The following LMLN variants were observed in gnomAD, a reference collection of about 807,000 sequenced individuals.
LMLN encodes leishmanolysin-like peptidase.
In LMLN, 70 loss-of-function variants were observed where a neutral mutation model predicts 92.3. The ratio of observed to expected loss-of-function variants is 0.76; its 90% CI spans 0.63 to 0.92. The LOEUF (loss-of-function observed/expected upper bound fraction) is 0.92, where lower values mean the gene tolerates loss of function less well. LMLN is among the 40% of genes least tolerant of loss of function. LMLN has a pLI of 0.00. For missense variants in LMLN, 691 were observed against 814.6 expected (o/e 0.85, Z 1.85); for synonymous variants, 308 against 296.2 (o/e 1.04, Z -0.41).
chr3:197,960,723 A>AT (rs1720843295), intron 1 of LMLN, among the ~76,000 whole-genome samples: 1 of 152,162 alleles, frequency 6.6e-6, no homozygotes, highest in Admixed American at 6.5e-5. Flanking sequence ...CCCGACGCAC[A>AT]TGGTACAACA....
chr3:197,966,602 A>G (rs1005724976), intron 1 of LMLN, among the ~76,000 whole-genome samples: 6 of 151,060 alleles, frequency 4.0e-5, no homozygotes, highest in Middle Eastern at 3.2e-3. Flanking sequence ...TCTTTCCTGC[A>G]CCAGTTGATA....
chr3:197,983,085 A>T (rs1167979931), intron 6 of LMLN, among the ~76,000 whole-genome samples: 2 of 152,238 alleles, frequency 1.3e-5, no homozygotes, highest in Admixed American at 1.3e-4. Flanking sequence ...TAAATAAAAG[A>T]ATTGTATTCA....
intron 13 of LMLN, among the ~76,000 whole-genome samples, chr3:198,024,457 T>C (rs142086980): frequency 0.013 from 1,942 of 152,300 alleles, 34 homozygotes; most frequent in African/African-American, 0.045. Flanking sequence ...CCTCGTGATC[T>C]GCCCACCTCA....
chr3:198,001,849 C>T lies in LMLN; in HGVS notation c.1232+2507C>T, dbSNP rs77308251. On this transcript the variant is annotated intron_variant, in intron 11 of 15. Coordinates refer to ENST00000330198, the Ensembl canonical transcript of LMLN. ...ATTTTTTATTATAGAGATGGGGTTT[C>T]GCCACGTTGCCCAGGCTGGTCTCAA... Among the ~76,000 whole-genome samples, 75 of 152,112 alleles carry T rather than the reference C, an allele frequency of 4.9e-4. 1 individual carries two copies. The East Asian group carries it at 0.012, about 24-fold the overall frequency.
rs1341022076 is a variant in LMLN, at chr3:198,042,664, T to C, written c.*3997T>C. The stretch of plus-strand genomic sequence containing the variant: ...CAGTAGACTGGAGTCACTTTCTGAC[T>C]CAAAAAGGGTCAAGTACTTATTAAA... On this transcript the variant is annotated 3_prime_UTR_variant, in exon 16 of 16. Coordinates refer to ENST00000330198, the Ensembl canonical transcript of LMLN. This position sits in a 1 kb window ranked among gnomAD's most constrained non-coding sequence, Gnocchi z 4.2. 1 of 152,138 alleles carries C rather than the reference T, an allele frequency of 6.6e-6. No homozygotes were observed. Among genetic ancestry groups the C allele is most frequent in the Non-Finnish European group, 1.5e-5 (1 of 68,022 alleles). 9.4% of individuals were successfully genotyped at this position (152,138 alleles called of 1,614,324 possible). A position where few individuals can be genotyped will look rare whatever the true frequency, so the allele number is the denominator to read the frequency against.
intron 1 of LMLN, among the ~76,000 whole-genome samples, chr3:197,969,118 G>A (rs1215033779): frequency 6.6e-6 from 1 of 150,818 alleles, no homozygotes; most frequent in African/African-American, 2.4e-5. Flanking sequence ...GTCTCACTCT[G>A]TTGCCTAGTT....
Position 198,042,544 on chromosome 3 carries a change from C to A in LMLN, c.*3877C>A, listed in dbSNP as rs910380305. On this transcript the variant is annotated 3_prime_UTR_variant, in exon 16 of 16. Coordinates refer to ENST00000330198, the Ensembl canonical transcript of LMLN. This position sits in a 1 kb window ranked among gnomAD's most constrained non-coding sequence, Gnocchi z 4.2. ...ACCCTTCATGTTAGCAAAGACGAAG[C>A]CACGTCGCTGTGTTAAGAGGGACAG... The A allele has an allele frequency of 2.6e-5, 4 of 152,132 alleles. No individual in the cohort carries two copies. Among genetic ancestry groups the A allele is most frequent in the African/African-American group, 9.7e-5 (4 of 41,418 alleles). The allele number at this position is 152,132 out of a possible 1,614,324, so 9.4% of individuals were successfully genotyped here.
At chr3:197,986,476 T>C (rs61791877) in intron 8 of LMLN, among the ~76,000 whole-genome samples, 23,867 of 152,098 alleles carry the variant, frequency 0.16, 2,460 homozygotes, top group Middle Eastern at 0.24. Context: ...AGAGAAGCCT[T>C]CCAGTAAAAA....
chr3:197,974,557 G>A, intron 2 of LMLN, 83 bp downstream of exon 2: 1 of 694,460 alleles, frequency 1.4e-6, no homozygotes, highest in East Asian at 3.2e-5. Flanking sequence ...GAAGTTCTAA[G>A]AATCCATAGA....
intron 14 of LMLN, among the ~76,000 whole-genome samples, chr3:198,028,181 G>T (rs1318576478): frequency 3.3e-5 from 5 of 152,040 alleles, no homozygotes; most frequent in African/African-American, 9.7e-5. Context: ...GTTCACATTA[G>T]GGTTCACTCT....
intron 1 of LMLN, 116 bp from the exon 2 acceptor site, chr3:197,974,261 A>G (rs1173205513): frequency 1.6e-6 from 1 of 633,284 alleles, no homozygotes; most frequent in African/African-American, 1.9e-5. Context: ...AATATGGGTC[A>G]CAGAACTTTT....
chr3:198,028,051 A>G (rs1393486975), intron 14 of LMLN, among the ~76,000 whole-genome samples: 1 of 152,142 alleles, frequency 6.6e-6, no homozygotes, highest in Non-Finnish European at 1.5e-5. Context: ...AGTGGAAGGT[A>G]CAGAGAGTTC....
chr3:197,960,674 C>T (rs1019918101), intron 1 of LMLN, among the ~76,000 whole-genome samples: 5 of 152,084 alleles, frequency 3.3e-5, no homozygotes, highest in African/African-American at 1.2e-4. Context: ...CAGTAGCCCT[C>T]GAGGAGTGGT....
intron 13 of LMLN, 21 bp downstream of exon 14, chr3:198,021,626 A>T (rs1722786700): frequency 6.2e-7 from 1 of 1,603,508 alleles, no homozygotes; most frequent in Non-Finnish European, 8.5e-7. Flanking sequence ...TAGTGAAATG[A>T]AGTATTATAT....
At chr3:198,016,936 G>A (rs991880352) in intron 11 of LMLN, among the ~76,000 whole-genome samples, 6 of 152,056 alleles carry the variant, frequency 3.9e-5, no homozygotes, top group African/African-American at 1.4e-4. Flanking sequence ...AAATGGGCAT[G>A]GCCATGTTCC....
chr3:198,020,580 T>TA (rs1379263137), intron 12 of LMLN, among the ~76,000 whole-genome samples: 1 of 151,952 alleles, frequency 6.6e-6, no homozygotes, highest in African/African-American at 2.4e-5. Flanking sequence ...TGAAAACACA[T>TA]ACAATTATTT....
chr3:198,033,364 TTTTC>T (rs1723126430), intron 14 of LMLN, among the ~76,000 whole-genome samples: 1 of 151,986 alleles, frequency 6.6e-6, no homozygotes, highest in South Asian at 2.1e-4. Context: ...ATTTTTTGCT[TTTTC>T]TTCTAATTTC....
At chr3:197,973,349 C>T (rs905577255) in intron 1 of LMLN, among the ~76,000 whole-genome samples, 2 of 151,718 alleles carry the variant, frequency 1.3e-5, no homozygotes, top group Admixed American at 6.6e-5. Flanking sequence ...TCTAGCAATT[C>T]TCCTGCCTCA....
At chr3:197,978,152 G>A (rs1390027645) in intron 5 of LMLN, among the ~76,000 whole-genome samples, 2 of 151,272 alleles carry the variant, frequency 1.3e-5, no homozygotes, top group Admixed American at 6.6e-5. Context: ...GTATACACAC[G>A]TTAAATCTGG....
Sources: allele counts gnomAD v4.1 joint callset (sites outside exome capture counted in the v4.1 genomes callset), GRCh38; gene constraint gnomAD v4.1.1; non-coding constraint Gnocchi (gnomAD v3.1); transcripts MANE v1.5; gene names NCBI Gene and HGNC (gene_info 2026-07-23, HGNC 2026-07-21).